SDF4: variants seen among roughly 807,000 people sequenced by gnomAD.
SDF4 encodes the protein 45 kDa calcium-binding protein.
A neutral mutation model predicts 34.2 loss-of-function variants in SDF4; 22 were observed. The observed-to-expected ratio is 0.64, with a 90% CI of 0.46 to 0.92. The LOEUF (loss-of-function observed/expected upper bound fraction) is 0.92, where lower values mean the gene tolerates loss of function less well. Ranked by LOEUF, SDF4 falls within the 40% of genes least tolerant of loss-of-function variation. SDF4 has a pLI of 0.00. For synonymous variants in SDF4, 236 were observed against 203.1 expected (o/e 1.16, Z -1.38); for missense variants, 447 against 499.9 (o/e 0.89, Z 1.01).
At chr1:1,228,430 C>CA (rs771237670) in intron 2 of SDF4, 38 bp downstream of exon 2, 13 of 1,555,578 alleles carry the variant, frequency 8.4e-6, no homozygotes, top group Admixed American at 1.8e-5. Flanking sequence ...CGAGCGCACG[C>CA]GGACAGCCCC....
intron 2 of SDF4, 113 bp from the exon 3 acceptor site, chr1:1,224,081 A>C: frequency 1.2e-5 from 19 of 1,526,146 alleles, no homozygotes; most frequent in East Asian, 7.0e-5. Flanking sequence ...TGCCACCAAC[A>C]GCGACAGGCT....
intron 4 of SDF4, chr1:1,220,302 C>T (rs573667963): frequency 1.3e-4 from 137 of 1,092,280 alleles, no homozygotes; most frequent in African/African-American, 4.9e-4. Flanking sequence ...AGAGAGGCAG[C>T]GATGGAGGCG....
intron 4 of SDF4, chr1:1,220,531 A>AGAGGTCGGGGGGTCCTAGGCACCCT: frequency 8.2e-7 from 1 of 1,222,412 alleles, no homozygotes; most frequent in Middle Eastern, 2.9e-4. Context: ...AAATACCCAA[A>AGAGGTCGGGGGGTCCTAGGCACCCT]GAGGTCGGGG....
Position 1,217,858 on chromosome 1 carries a change from G to T in SDF4, c.892-170C>A. 6.7e-7 allele frequency: 1 copy of T among 1,490,548 alleles called. No homozygotes were observed. Among genetic ancestry groups the T allele is most frequent in the Non-Finnish European group, 8.9e-7 (1 of 1,126,486 alleles). The allele number at this position is 1,490,548 out of a possible 1,614,324, so 92.3% of individuals were successfully genotyped here. On this transcript the variant is annotated intron_variant, in intron 6 of 6. Transcript: ENST00000360001. This position sits in a 1 kb window ranked among gnomAD's most constrained non-coding sequence, Gnocchi z 8.5. ...AAATGAAAACACAGGGCAGGGAGAA[G>T]CCGGGGGCCCCGGAAGGCCTGCCCG...
In SDF4 at chr1:1,218,948, G is replaced by A. The variant is rs1224422268; in HGVS notation, c.557-21C>T. Reference sequence around the variant, plus strand: ...CTGTGCTGAGAGGGGCGCAGCCTGTGGGTATCGAGGCCGACAGACGCCAGC... The same window carrying A: ...CTGTGCTGAGAGGGGCGCAGCCTGTAGGTATCGAGGCCGACAGACGCCAGC... On this transcript the variant is annotated intron_variant, in intron 4 of 6. Coordinates refer to ENST00000360001, the MANE Select transcript of SDF4 (RefSeq NM_016176.6). The surrounding 1 kb of genome is among the most constrained non-coding windows in gnomAD (Gnocchi z 7.9). 3 of 1,611,456 alleles carry A rather than the reference G, an allele frequency of 1.9e-6. No individual in the cohort carries two copies. The highest frequency in any genetic ancestry group is 1.1e-5 in the South Asian group (1 of 90,846).
At chr1:1,231,112 G>A (rs917345957) in intron 1 of SDF4, among the ~76,000 whole-genome samples, 6 of 152,326 alleles carry the variant, frequency 3.9e-5, no homozygotes, top group Middle Eastern at 3.4e-3. Context: ...GGAATAAAAA[G>A]TAACCCAAAA....
intron 2 of SDF4, among the ~76,000 whole-genome samples, chr1:1,227,711 G>C (rs140829030): frequency 5.9e-5 from 9 of 152,226 alleles, no homozygotes; most frequent in Non-Finnish European, 1.0e-4. Context: ...GTGCCGTAAG[G>C]AGTAAGGCGC....
intron 4 of SDF4, 88 bp from the exon 5 acceptor site, chr1:1,219,015 AG>A (rs1222533623): frequency 6.2e-7 from 1 of 1,611,176 alleles, no homozygotes; most frequent in East Asian, 2.2e-5. Context: ...CCTGAACTCG[AG>A]GGACACAGCC....
chr1:1,226,041 G>A (rs1638297180), intron 2 of SDF4, among the ~76,000 whole-genome samples: 1 of 152,248 alleles, frequency 6.6e-6, no homozygotes, highest in Non-Finnish European at 1.5e-5. Context: ...GACTGGGCTG[G>A]TGCACACACG....
intron 2 of SDF4, among the ~76,000 whole-genome samples, chr1:1,225,779 G>A (rs1298434888): frequency 1.3e-5 from 2 of 151,430 alleles, no homozygotes; most frequent in Non-Finnish European, 2.9e-5. Context: ...CACTCCACAC[G>A]CTCTACACAC....
At chr1:1,220,464 G>A in intron 4 of SDF4, 1 of 1,189,618 alleles carries the variant, frequency 8.4e-7, no homozygotes, top group Non-Finnish European at 1.1e-6. Flanking sequence ...ACGCCTGCCA[G>A]CGCTTCCCAG....
At chr1:1,220,680 C>G (rs934357511) in intron 4 of SDF4, 2 of 1,289,208 alleles carry the variant, frequency 1.6e-6, no homozygotes, top group South Asian at 2.5e-5. Flanking sequence ...CAAAGGTAGA[C>G]GGAGGCTTCA....
intron 4 of SDF4, chr1:1,220,472 C>A: frequency 8.4e-7 from 1 of 1,193,382 alleles, no homozygotes; most frequent in Non-Finnish European, 1.1e-6. Flanking sequence ...CAGCGCTTCC[C>A]AGGCCCCTCC....
intron 2 of SDF4, among the ~76,000 whole-genome samples, chr1:1,226,131 G>C (rs1008385668): frequency 6.6e-6 from 1 of 152,246 alleles, no homozygotes; most frequent in African/African-American, 2.4e-5. Context: ...CTCCAGCCAC[G>C]GGAGACAGGG....
At position 1,217,701 on chromosome 1, in the gene SDF4, G is replaced by A. The variant is rs777725227; in HGVS notation, c.892-13C>T. On this transcript the variant is annotated splice_polypyrimidine_tract_variant and intron_variant, in intron 6 of 6. Coordinates refer to ENST00000360001, the MANE Select transcript of SDF4 (RefSeq NM_016176.6). The surrounding 1 kb of genome is among the most constrained non-coding windows in gnomAD (Gnocchi z 8.5). Reference sequence around the variant, plus strand: ...GGTCCATGTAGCTCTGCGGGCGAGCGGGGCACAGGTCAGCGTCGCCTTTCC... The same window carrying A: ...GGTCCATGTAGCTCTGCGGGCGAGCAGGGCACAGGTCAGCGTCGCCTTTCC... 4.4e-5 allele frequency: 71 copies of A among 1,613,262 alleles called. No individual in the cohort carries two copies. The highest frequency in any genetic ancestry group is 1.7e-4 in the Admixed American group (10 of 59,982).
chr1:1,223,370 A>G lies in SDF4; in HGVS notation c.443-13T>C, dbSNP rs781392468. On this transcript the variant is annotated splice_polypyrimidine_tract_variant and intron_variant, in intron 3 of 6. Coordinates refer to ENST00000360001, the MANE Select transcript of SDF4 (RefSeq NM_016176.6). ...CAAGACACGTGACCTGGAAGAGCAG[A>G]TCACACCTGTCAGGGCCTCTGATAC... 5.1e-6 allele frequency: 8 copies of G among 1,560,512 alleles called. 1 individual carries two copies. The South Asian group carries it at 9.1e-5, about 18-fold the overall frequency.
chr1:1,225,778 C>T (rs564324234), intron 2 of SDF4, among the ~76,000 whole-genome samples: 8 of 148,362 alleles, frequency 5.4e-5, no homozygotes, highest in African/African-American at 1.8e-4. Context: ...ACACTCCACA[C>T]GCTCTACACA....
At position 1,223,900 on chromosome 1, in the gene SDF4, G is replaced by A. The variant is rs779966135; in HGVS notation, c.374C>T (p.Ala125Val). The A allele has an allele frequency of 1.2e-6, 2 of 1,610,614 alleles. No individual in the cohort carries two copies. The highest frequency in any genetic ancestry group is 2.2e-5 in the East Asian group (1 of 44,834). Residue 125 changes from alanine (A) to valine (V), a missense_variant, in exon 3 of 7, where the codon GCC becomes GTC. Transcript: ENST00000360001. ...CTCCATGGCCTCCTGGAAGTGCTCG[G>A]CCGTCTTCTCCATGATCCAGCGCTG... The part of the protein sequence containing the change: ...EMQRWIMEKT[A>V]EHFQEAMEES...
Position 1,223,589 on chromosome 1 carries a change from G to A in SDF4, c.443-232C>T, listed in dbSNP as rs183941679. ...ATAGACACCACCAGATGAAGGCCCCGAAGACATAAGAGGCGCCCTCCATGG... is the reference window on the plus strand; with the variant it reads ...ATAGACACCACCAGATGAAGGCCCCAAAGACATAAGAGGCGCCCTCCATGG... On this transcript the variant is annotated intron_variant, in intron 3 of 6. Transcript: ENST00000360001. 1.4e-3 allele frequency among the ~76,000 whole-genome samples: 214 copies of A among 152,332 alleles called. 2 individuals carry two copies. Among genetic ancestry groups the A allele is most frequent in the African/African-American group, 4.7e-3 (197 of 41,578 alleles).
Sources: gnomAD v4.1 joint callset for allele counts (sites outside exome capture counted in the v4.1 genomes callset) on GRCh38, gnomAD v4.1.1 for gene constraint, Gnocchi (gnomAD v3.1) non-coding constraint, MANE v1.5 for transcripts, NCBI Gene and HGNC (gene_info 2026-07-23, HGNC 2026-07-21) for gene names.